Variants in AGBL3 observed in about 807,000 individuals in gnomAD.
AGBL3 encodes the protein cytosolic carboxypeptidase 3.
AGBL3 carries 68 observed loss-of-function variants against 94.5 expected under a neutral mutation model. The observed-to-expected ratio is 0.72, with a 90% CI of 0.59 to 0.88. The LOEUF (loss-of-function observed/expected upper bound fraction) is 0.88. Among genes scored for constraint, AGBL3 ranks in the 40% least tolerant of loss-of-function variants. AGBL3 has a pLI of 0.00. For synonymous variants in AGBL3, 354 were observed against 370.7 expected (o/e 0.95, Z 0.52); for missense variants, 934 against 1,103.8 (o/e 0.85, Z 2.18).
intron 8 of AGBL3, among the ~76,000 whole-genome samples, chr7:135,041,804 A>G (rs1225422533): frequency 6.6e-6 from 1 of 152,188 alleles, no homozygotes; most frequent in East Asian, 1.9e-4. Context: ...CATATCTCAC[A>G]AAGAACTTTT....
At chr7:135,083,476 TTC>T (rs201330248) in intron 15 of AGBL3, among the ~76,000 whole-genome samples, 4 of 152,004 alleles carry the variant, frequency 2.6e-5, no homozygotes, top group African/African-American at 9.7e-5. Flanking sequence ...AAAAAAAACT[TTC>T]TCTCTCTCTC....
intron 4 of AGBL3, among the ~76,000 whole-genome samples, chr7:135,005,565 C>T (rs2133432346): frequency 6.6e-6 from 1 of 151,828 alleles, no homozygotes; most frequent in African/African-American, 2.4e-5. Context: ...CAAGAAATTC[C>T]TATCAGGATT....
intron 15 of AGBL3, among the ~76,000 whole-genome samples, chr7:135,105,473 C>T (rs1328274782): frequency 1.3e-5 from 2 of 152,194 alleles, no homozygotes; most frequent in African/African-American, 2.4e-5. Flanking sequence ...ATCCCAGCAC[C>T]TGTTATTGAA....
chr7:135,134,239 C>T (rs1467912718), intron 16 of AGBL3, among the ~76,000 whole-genome samples: 1 of 151,972 alleles, frequency 6.6e-6, no homozygotes, highest in Admixed American at 6.6e-5. Context: ...CTCTGTATTA[C>T]TTCTCTCAAA....
Position 134,993,520 on chromosome 7 carries a change from C to T in AGBL3, c.152C>T (p.Pro51Leu). The T allele has an allele frequency of 6.5e-7, 1 of 1,548,822 alleles. No homozygotes were observed. The highest frequency in any genetic ancestry group is 1.4e-5 in the African/African-American group (1 of 73,006). The change falls in exon 4 of 17, where the codon CCC (proline) becomes CTC (leucine). Residue 51 changes from proline to leucine, a missense_variant. Around this residue, in one of 3 missense-constraint regions of AGBL3, gnomAD observed 488 missense variants for 563.6 expected, o/e 0.87. Transcript: ENST00000436302. ...TADSFGDPFFPRTTQILLEYQ... is the reference protein window; with the variant it reads ...TADSFGDPFFLRTTQILLEYQ... ...GACTCTTTTGGTGATCCCTTCTTCCCCCGGACTACACAGATACTATTAGAA... is the reference window on the plus strand; with the variant it reads ...GACTCTTTTGGTGATCCCTTCTTCCTCCGGACTACACAGATACTATTAGAA...
chr7:135,039,662 G>T (rs1207708393), intron 8 of AGBL3, among the ~76,000 whole-genome samples: 4 of 152,064 alleles, frequency 2.6e-5, no homozygotes, highest in Non-Finnish European at 4.4e-5. Context: ...TTGAGCCCAG[G>T]AAGCAGAGGT....
Position 135,076,407 on chromosome 7 carries a change from T to A in AGBL3, c.1919T>A (p.Leu640Ter). The A allele has an allele frequency of 6.5e-7, 1 of 1,546,228 alleles. No individual in the cohort carries two copies. The highest frequency in any genetic ancestry group is 8.8e-7 in the Non-Finnish European group (1 of 1,142,504). The change falls in exon 13 of 17, where the codon TTG (leucine) becomes TAG (stop). Residue 640 changes from leucine to a stop codon, truncating the protein, a stop_gained. Coordinates refer to ENST00000436302, the MANE Select transcript of AGBL3 (RefSeq NM_178563.4). LOFTEE classifies it high-confidence loss of function. ...LLKLTSQKKH[L>*]KTKKERNSTI... ...TGATTCTTTTACTAGAAAAAACATT[T>A]GAAAACAAAGAAGGAAAGGAATTCT...
intron 4 of AGBL3, among the ~76,000 whole-genome samples, chr7:135,015,559 C>T (rs926016422): frequency 2.7e-5 from 4 of 150,860 alleles, no homozygotes; most frequent in African/African-American, 7.3e-5. Flanking sequence ...CTCTAATAAA[C>T]TGCAAACTTG....
chr7:135,057,899 T>A (rs1818478403), intron 11 of AGBL3, among the ~76,000 whole-genome samples: 1 of 152,186 alleles, frequency 6.6e-6, no homozygotes. Flanking sequence ...ATCCCAGCTA[T>A]ATGACACTGG....
chr7:135,088,941 T>C (rs948829426), intron 15 of AGBL3, among the ~76,000 whole-genome samples: 2 of 152,222 alleles, frequency 1.3e-5, no homozygotes, highest in East Asian at 3.8e-4. Context: ...TTTTCAGCTA[T>C]TATTTCAAGA....
At chr7:135,130,423 A>G (rs1052757737) in intron 16 of AGBL3, among the ~76,000 whole-genome samples, 3 of 152,136 alleles carry the variant, frequency 2.0e-5, no homozygotes, top group Non-Finnish European at 2.9e-5. Flanking sequence ...TTTAAGTTCT[A>G]TTCAACTTTC....
intron 12 of AGBL3, among the ~76,000 whole-genome samples, chr7:135,062,548 T>C (rs1818933662): frequency 8.8e-6 from 1 of 114,122 alleles, no homozygotes; most frequent in African/African-American, 3.0e-5. Flanking sequence ...TATACCTTAT[T>C]TTTGGAGCAT....
chr7:135,122,901 C>T (rs1210548537), intron 16 of AGBL3, among the ~76,000 whole-genome samples: 1 of 152,114 alleles, frequency 6.6e-6, no homozygotes, highest in Admixed American at 6.5e-5. Flanking sequence ...ATCAGCGCCT[C>T]AAAGATCAAA....
chr7:135,118,371 C>A (rs1048417268), intron 16 of AGBL3, among the ~76,000 whole-genome samples: 1 of 152,034 alleles, frequency 6.6e-6, no homozygotes, highest in Non-Finnish European at 1.5e-5. Context: ...TAGACCCCAC[C>A]CCAATCTCAA....
chr7:134,994,925 CTCTT>C (rs1316764424), intron 4 of AGBL3, among the ~76,000 whole-genome samples: 4 of 152,182 alleles, frequency 2.6e-5, no homozygotes, highest in Non-Finnish European at 5.9e-5. Context: ...ACATCTCTCT[CTCTT>C]TTTCTCCTTT....
rs140378552 is a variant in AGBL3, at chr7:135,091,663, A to G, written c.2110+9873A>G. Among the ~76,000 whole-genome samples, 111 of 152,304 alleles carry G rather than the reference A, an allele frequency of 7.3e-4. 3 individuals are homozygous for G. The South Asian group carries it at 0.011, about 15-fold the overall frequency. On this transcript the variant is annotated intron_variant, in intron 15 of 16. Coordinates refer to ENST00000436302, the MANE Select transcript of AGBL3 (RefSeq NM_178563.4). ...CATAGAAACCAAGTTCTCTAACATG[A>G]CATGAAAGACTTCCAGTGATCCTCT...
chr7:134,993,350 A>G, intron 3 of AGBL3, 143 bp from the exon 4 acceptor site: 2 of 654,808 alleles, frequency 3.1e-6, no homozygotes, highest in Non-Finnish European at 4.6e-6. Context: ...TACTTTTATA[A>G]ACAGTGCCAT....
At chr7:135,127,925 C>A (rs1299075953) in intron 16 of AGBL3, among the ~76,000 whole-genome samples, 2 of 152,130 alleles carry the variant, frequency 1.3e-5, no homozygotes, top group Non-Finnish European at 2.9e-5. Context: ...GGAACCAACC[C>A]AAATACCCAT....
chr7:135,127,165 T>C (rs989616929), intron 16 of AGBL3, among the ~76,000 whole-genome samples: 3 of 152,114 alleles, frequency 2.0e-5, no homozygotes, highest in Non-Finnish European at 4.4e-5. Flanking sequence ...CTTAAACATA[T>C]TTACAAGAAA....
Sources: gnomAD v4.1 joint callset for allele counts (sites outside exome capture counted in the v4.1 genomes callset) on GRCh38, gnomAD v4.1.1 for gene constraint, gnomAD v4.1.1 regional missense constraint, MANE v1.5 for transcripts, NCBI Gene and HGNC (gene_info 2026-07-23, HGNC 2026-07-21) for gene names.